Variants in AJAP1 observed in about 807,000 individuals in gnomAD.
AJAP1 encodes the protein adherens junction-associated protein 1.
Under a neutral mutation model 35.0 loss-of-function variants are expected in AJAP1, and 5 were observed. The ratio of observed to expected loss-of-function variants is 0.14; its 90% CI spans 0.07 to 0.30. AJAP1 has a LOEUF of 0.30. AJAP1 is among the 10% of genes least tolerant of loss of function. AJAP1 has a pLI of 1.00. For missense variants in AJAP1, 586 were observed against 571.0 expected (o/e 1.03, Z -0.27); for synonymous variants, 284 against 249.3 (o/e 1.14, Z -1.31).
chr1:4,738,240 G>T (rs61765059), intron 2 of AJAP1, among the ~76,000 whole-genome samples: 4,722 of 152,366 alleles, frequency 0.031, 105 homozygotes, highest in Non-Finnish European at 0.044. Flanking sequence ...CAGGGGCCCT[G>T]CTCTCATGGG....
chr1:4,733,958 G>T (rs531878946), intron 2 of AJAP1, among the ~76,000 whole-genome samples: 6 of 152,282 alleles, frequency 3.9e-5, no homozygotes, highest in Admixed American at 3.9e-4. Flanking sequence ...GGGGCGGGGG[G>T]AGCTGAATGG....
At chr1:4,770,911 C>T (rs1027776801) in intron 3 of AJAP1, among the ~76,000 whole-genome samples, 3 of 152,068 alleles carry the variant, frequency 2.0e-5, no homozygotes, top group Non-Finnish European at 4.4e-5. Context: ...GGACCCCGGG[C>T]GTTTTCTGGA....
chr1:4,762,502 A>G (rs1390466306), intron 2 of AJAP1, among the ~76,000 whole-genome samples: 1 of 152,224 alleles, frequency 6.6e-6, no homozygotes, highest in Admixed American at 6.5e-5. Flanking sequence ...GTCAAGGCCC[A>G]AGGGAGCTTC....
At chr1:4,687,678 T>G in intron 1 of AJAP1, among the ~76,000 whole-genome samples, 1 of 152,154 alleles carries the variant, frequency 6.6e-6, no homozygotes, top group Non-Finnish European at 1.5e-5. Flanking sequence ...AACTGAATCG[T>G]AGAGTGAACG....
intron 1 of AJAP1, among the ~76,000 whole-genome samples, chr1:4,667,952 T>C (rs760010611): frequency 3.9e-5 from 6 of 152,300 alleles, no homozygotes; most frequent in Non-Finnish European, 7.4e-5. Flanking sequence ...TGTTTGCTCA[T>C]GCCTGTAATC....
intron 1 of AJAP1, among the ~76,000 whole-genome samples, chr1:4,690,526 G>A (rs760756526): frequency 2.6e-5 from 4 of 152,318 alleles, no homozygotes; most frequent in Middle Eastern, 3.4e-3. Flanking sequence ...TGCTTTCTGC[G>A]CCTCTTGGCT....
chr1:4,737,714 G>A lies in AJAP1; in HGVS notation c.829+25015G>A, dbSNP rs1042793742. On this transcript the variant is annotated intron_variant, in intron 2 of 5. Coordinates refer to ENST00000378191, the MANE Select transcript of AJAP1 (RefSeq NM_018836.4). The stretch of plus-strand genomic sequence containing the variant: ...TCAAGACTAGCCTGGGCAACAGAGT[G>A]AGACCCCGTTTTCTACAAAAATAAT... Among the ~76,000 whole-genome samples, 10 of 152,292 alleles carry A rather than the reference G, an allele frequency of 6.6e-5. No individual in the cohort carries two copies. The East Asian group carries it at 1.7e-3, about 27-fold the overall frequency.
intron 2 of AJAP1, among the ~76,000 whole-genome samples, chr1:4,726,464 G>T (rs891351534): frequency 6.6e-6 from 1 of 152,164 alleles, no homozygotes; most frequent in Non-Finnish European, 1.5e-5. Context: ...GGAGTGGGAG[G>T]CTTCTGGGGT....
At chr1:4,700,842 G>A (rs1486025873) in intron 1 of AJAP1, among the ~76,000 whole-genome samples, 1 of 152,190 alleles carries the variant, frequency 6.6e-6, no homozygotes, top group African/African-American at 2.4e-5. Flanking sequence ...GGACCTGTGG[G>A]GCCCTTCGTG....
chr1:4,785,368 G>C lies in AJAP1; in HGVS notation c.*2883G>C, dbSNP rs1370927419. 2.6e-5 allele frequency: 4 copies of C among 152,160 alleles called. No individual in the cohort carries two copies. The highest frequency in any genetic ancestry group is 9.7e-5 in the African/African-American group (4 of 41,420). 9.4% of individuals were successfully genotyped at this position (152,160 alleles called of 1,614,324 possible). ...TCCGTCAAGGTAAATCCACACAAAG[G>C]CTGCTATTTCTGGATGATTGAGGCA... On this transcript the variant is annotated 3_prime_UTR_variant, in exon 6 of 6. Coordinates refer to ENST00000378191, the MANE Select transcript of AJAP1 (RefSeq NM_018836.4).
In AJAP1 at chr1:4,734,845, C is replaced by T. The variant is rs749179717; in HGVS notation, c.829+22146C>T. Among the ~76,000 whole-genome samples, 9 of 152,194 alleles carry T rather than the reference C, an allele frequency of 5.9e-5. No homozygotes were observed. Among genetic ancestry groups the T allele is most frequent in the African/African-American group, 1.9e-4 (8 of 41,436 alleles). ...AGGCCCGGGAAGCATCTTCTGCTTC[C>T]GAGGCCCGAAACAGTGGCGTTTCCT... On this transcript the variant is annotated intron_variant, in intron 2 of 5. Coordinates refer to ENST00000378191, the MANE Select transcript of AJAP1 (RefSeq NM_018836.4). This position sits in a 1 kb window ranked among gnomAD's most constrained non-coding sequence, Gnocchi z 4.3.
intron 1 of AJAP1, among the ~76,000 whole-genome samples, chr1:4,681,989 G>A (rs1360873216): frequency 6.6e-6 from 1 of 152,190 alleles, no homozygotes. Context: ...TACAGATGAG[G>A]AAACTGAAGC....
At chr1:4,779,077 G>A (rs1231430672) in intron 5 of AJAP1, among the ~76,000 whole-genome samples, 1 of 152,218 alleles carries the variant, frequency 6.6e-6, no homozygotes, top group Non-Finnish European at 1.5e-5. Flanking sequence ...CACCGAGCAA[G>A]TGCTGCAGGA....
At chr1:4,660,779 G>A (rs548313129) in intron 1 of AJAP1, among the ~76,000 whole-genome samples, 3 of 152,068 alleles carry the variant, frequency 2.0e-5, no homozygotes, top group Non-Finnish European at 1.5e-5. Context: ...ATTTTAGAAC[G>A]AAAAATTCAG....
chr1:4,705,157 T>G (rs530749615), intron 1 of AJAP1, among the ~76,000 whole-genome samples: 1 of 152,292 alleles, frequency 6.6e-6, no homozygotes, highest in South Asian at 2.1e-4. Flanking sequence ...AGCTCTTTAG[T>G]TTAAGTAGAT....
chr1:4,683,769 T>G (rs1570107798), intron 1 of AJAP1, among the ~76,000 whole-genome samples: 1 of 152,228 alleles, frequency 6.6e-6, no homozygotes, highest in South Asian at 2.1e-4. Flanking sequence ...GTGTGCCAGC[T>G]CCCGAGTACT....
At chr1:4,781,789 G>A (rs1397782255) in intron 5 of AJAP1, among the ~76,000 whole-genome samples, 3 of 152,216 alleles carry the variant, frequency 2.0e-5, no homozygotes, top group Non-Finnish European at 4.4e-5. Context: ...CGGGGTGACC[G>A]TCTGAGGGAT....
chr1:4,680,843 GT>G (rs1241396834), intron 1 of AJAP1, among the ~76,000 whole-genome samples: 1 of 152,162 alleles, frequency 6.6e-6, no homozygotes, highest in Non-Finnish European at 1.5e-5. Flanking sequence ...TTCTAGTGGT[GT>G]TTTTTATATG....
chr1:4,775,925 G>A (rs1251110787), intron 5 of AJAP1, among the ~76,000 whole-genome samples: 1 of 152,230 alleles, frequency 6.6e-6, no homozygotes, highest in Admixed American at 6.5e-5. Context: ...CTAGCCGCAG[G>A]GAGCTGGCTT....
Sources: gnomAD v4.1 joint callset for allele counts (sites outside exome capture counted in the v4.1 genomes callset) on GRCh38, gnomAD v4.1.1 for gene constraint, Gnocchi (gnomAD v3.1) non-coding constraint, MANE v1.5 for transcripts, NCBI Gene and HGNC (gene_info 2026-07-23, HGNC 2026-07-21) for gene names.